DHX9: variants seen among roughly 807,000 people sequenced by gnomAD.
DHX9 encodes ATP-dependent RNA helicase A.
A neutral mutation model predicts 148.7 loss-of-function variants in DHX9; 27 were observed. The observed-to-expected ratio is 0.18, with a 90% CI of 0.13 to 0.25. The LOEUF (loss-of-function observed/expected upper bound fraction) is 0.25, where lower values mean the gene tolerates loss of function less well. DHX9 is among the 10% of genes least tolerant of loss of function. The pLI is 1.00. For missense variants in DHX9, 796 were observed against 1,559.6 expected (o/e 0.51, Z 8.25); for synonymous variants, 529 against 516.6 (o/e 1.02, Z -0.33).
intron 7 of DHX9, among the ~76,000 whole-genome samples, chr1:182,857,494 C>CA (rs1668277106): frequency 6.6e-6 from 1 of 152,238 alleles, no homozygotes; most frequent in African/African-American, 2.4e-5. Context: ...TAGCTACACT[C>CA]ACATTTTAGA....
At chr1:182,859,270 G>T (rs1225178309) in intron 11 of DHX9, among the ~76,000 whole-genome samples, 153 bp downstream of exon 11, 1 of 152,226 alleles carries the variant, frequency 6.6e-6, no homozygotes, top group African/African-American at 2.4e-5. Context: ...CCTGAAGTTA[G>T]TTGCTATGAG....
rs1286675951 is a variant in DHX9 at position 182,866,530 on chromosome 1, T to G, written c.1419T>G (p.Val473=). The G allele has an allele frequency of 6.2e-7, 1 of 1,614,216 alleles. No homozygotes were observed. Among genetic ancestry groups the G allele is most frequent in the Non-Finnish European group, 8.5e-7 (1 of 1,180,028 alleles). The change falls in exon 13 of 28, where the codon GTT becomes GTG. Residue 473 remains valine, a synonymous_variant. Coordinates refer to ENST00000367549, the MANE Select transcript of DHX9 (RefSeq NM_001357.5). ...CTGGAAAAAGCTGTGGCTACAGCGTTCGATTTGAGTCTATACTTCCTCGTC... is the reference window on the plus strand; with the variant it reads ...CTGGAAAAAGCTGTGGCTACAGCGTGCGATTTGAGTCTATACTTCCTCGTC... ...EEPGKSCGYS[V]RFESILPRPH...
chr1:182,858,746 C>T lies in DHX9; in HGVS notation c.914C>T (p.Ser305Phe), dbSNP rs568933849. Residue 305 changes from serine (S) to phenylalanine (F), a missense_variant, in exon 10 of 28, where the codon TCT becomes TTT. Ser to Phe is a radical substitution (Grantham distance 155, BLOSUM62 -2). Coordinates refer to ENST00000367549, the MANE Select transcript of DHX9 (RefSeq NM_001357.5). ...ATTTTTTAATAGCCTGAAGATCCTT[C>T]TGTGCCAGTTGCACTCAACATTGGC... ...LEILPPPEDP[S>F]VPVALNIGKL... 17 of 1,614,120 alleles carry T rather than the reference C, an allele frequency of 1.1e-5. 1 individual carries two copies. The highest frequency in any genetic ancestry group is 1.3e-5 in the Non-Finnish European group (15 of 1,180,012).
rs142117606 is a variant in DHX9, at chr1:182,869,376, T to C, written c.1557+2333T>C. 4.5e-3 allele frequency among the ~76,000 whole-genome samples: 691 copies of C among 152,230 alleles called. 7 individuals carry two copies. The highest frequency in any genetic ancestry group is 0.038 in the Admixed American group (584 of 15,286). ...CCTGTCTGGTCTAATCTAGTCCGGA[T>C]AGGTCTTGTCCTATCTGGTTTGGGC... On this transcript the variant is annotated intron_variant, in intron 14 of 27. Transcript: ENST00000367549.
chr1:182,878,013 C>T lies in DHX9; in HGVS notation c.2199-8C>T, dbSNP rs367737301. ...GAGTCTTAGAATTAACCACTTTTTC[C>T]TATGTAGGCAGAAAGTGAAACTCTT... On this transcript the variant is annotated splice_polypyrimidine_tract_variant and splice_region_variant and intron_variant, in intron 19 of 27. Coordinates refer to ENST00000367549, the MANE Select transcript of DHX9 (RefSeq NM_001357.5). 1.2e-5 allele frequency: 20 copies of T among 1,613,330 alleles called. No homozygotes were observed. Among genetic ancestry groups the T allele is most frequent in the Non-Finnish European group, 1.5e-5 (18 of 1,179,820 alleles).
chr1:182,876,739 T>C, intron 18 of DHX9, 91 bp from the exon 19 acceptor site: 1 of 1,036,056 alleles, frequency 9.7e-7, no homozygotes, highest in South Asian at 1.5e-5. Context: ...TTCTGTAATT[T>C]TCTTGTCATT....
intron 1 of DHX9, among the ~76,000 whole-genome samples, chr1:182,841,508 G>A (rs1667929436): frequency 1.3e-5 from 2 of 152,142 alleles, no homozygotes; most frequent in South Asian, 2.1e-4. Flanking sequence ...AGCTTTCCAC[G>A]GCTTTTTTGT....
rs537910851 is a variant in DHX9, at chr1:182,840,943, A to G, written c.-23+1487A>G. On this transcript the variant is annotated intron_variant, in intron 1 of 27. Transcript: ENST00000367549. Reference sequence around the variant, plus strand: ...TCTGTTTTGACTGAGATGCCAAGTTAGCATGCAAATGGGTGAGTTAGTGCC... The same window carrying G: ...TCTGTTTTGACTGAGATGCCAAGTTGGCATGCAAATGGGTGAGTTAGTGCC... Among the ~76,000 whole-genome samples, 4 of 152,256 alleles carry G rather than the reference A, an allele frequency of 2.6e-5. No homozygotes were observed. The South Asian group carries it at 8.3e-4, about 32-fold the overall frequency.
intron 27 of DHX9, among the ~76,000 whole-genome samples, chr1:182,885,916 A>T (rs1435989926): frequency 6.6e-6 from 1 of 152,230 alleles, no homozygotes; most frequent in Non-Finnish European, 1.5e-5. Flanking sequence ...GAGGGCTGGT[A>T]AGCAAGGAGC....
In DHX9 at chr1:182,887,656, A is replaced by T; in HGVS notation, c.*222A>T. 1 of 476,748 alleles carries T rather than the reference A, an allele frequency of 2.1e-6. No individual in the cohort carries two copies. Among genetic ancestry groups the T allele is most frequent in the Non-Finnish European group, 3.7e-6 (1 of 268,762 alleles). The allele number at this position is 476,748 out of a possible 1,614,324, so 29.5% of individuals were successfully genotyped here. On this transcript the variant is annotated 3_prime_UTR_variant, in exon 28 of 28. Transcript: ENST00000367549. ...ATCTCTTAAAAATACCACAGTTTGT[A>T]TTTTTTCTTTAAGGAGTAAAGATTT...
At chr1:182,875,624 A>G (rs1432098085) in intron 16 of DHX9, among the ~76,000 whole-genome samples, 1 of 152,252 alleles carries the variant, frequency 6.6e-6, no homozygotes, top group East Asian at 1.9e-4. Flanking sequence ...ATATCTTTTT[A>G]ATCAAAAGAT....
chr1:182,839,695 T>TCC (rs916112263), intron 1 of DHX9: 1 of 152,236 alleles, frequency 6.6e-6, no homozygotes, highest in African/African-American at 2.4e-5. Context: ...GCCCAGCGTT[T>TCC]CCCGCTGCTG....
chr1:182,862,845 T>C (rs1668387072), intron 12 of DHX9, among the ~76,000 whole-genome samples: 2 of 152,152 alleles, frequency 1.3e-5, no homozygotes, highest in South Asian at 4.1e-4. Flanking sequence ...CCTCTTATGG[T>C]ATAGAAAGTG....
chr1:182,866,708 A>G, intron 13 of DHX9, 123 bp downstream of exon 13: 1 of 1,273,364 alleles, frequency 7.9e-7, no homozygotes, highest in Non-Finnish European at 1.1e-6. Context: ...GTTTAAATAA[A>G]ACTTTTGGCA....
chr1:182,875,871 T>TA (rs1351727256), intron 16 of DHX9, among the ~76,000 whole-genome samples, 179 bp from the exon 17 acceptor site: 1 of 152,210 alleles, frequency 6.6e-6, no homozygotes, highest in Non-Finnish European at 1.5e-5. Flanking sequence ...AAGTTCAGTA[T>TA]ATTGATGTAA....
chr1:182,881,690 T>G (rs552139497), intron 24 of DHX9, 43 bp downstream of exon 24: 5 of 1,540,074 alleles, frequency 3.2e-6, no homozygotes, highest in Non-Finnish European at 4.4e-6. Flanking sequence ...AAGTGACATT[T>G]ATATAGTACA....
At chr1:182,858,071 T>G (rs1668288109) in intron 7 of DHX9, 33 bp from the exon 8 acceptor site, 1 of 1,593,740 alleles carries the variant, frequency 6.3e-7, no homozygotes, top group African/African-American at 1.4e-5. Flanking sequence ...AGATGATTTC[T>G]TTCTGTCTGA....
chr1:182,842,227 A>G (rs931156549), intron 1 of DHX9, among the ~76,000 whole-genome samples: 1 of 152,194 alleles, frequency 6.6e-6, no homozygotes, highest in African/African-American at 2.4e-5. Flanking sequence ...GTTGTAGAAT[A>G]TAGGGCCTTA....
At chr1:182,860,594 A>G (rs1338934966) in intron 12 of DHX9, among the ~76,000 whole-genome samples, 1 of 152,224 alleles carries the variant, frequency 6.6e-6, no homozygotes, top group Non-Finnish European at 1.5e-5. Context: ...AAAAAACTCA[A>G]TCGAAGTTCA....
Sources: gnomAD v4.1 joint callset for allele counts (sites outside exome capture counted in the v4.1 genomes callset) on GRCh38, gnomAD v4.1.1 for gene constraint, MANE v1.5 for transcripts, NCBI Gene and HGNC (gene_info 2026-07-23, HGNC 2026-07-21) for gene names.